CHFR: variants seen among roughly 807,000 people sequenced by gnomAD.
CHFR encodes the protein E3 ubiquitin-protein ligase CHFR.
A neutral mutation model predicts 87.6 loss-of-function variants in CHFR; 57 were observed. The observed-to-expected ratio is 0.65, with a 90% CI of 0.53 to 0.81. CHFR has a LOEUF of 0.81. CHFR is among the 30% of genes least tolerant of loss of function. CHFR has a pLI of 0.00. For missense variants in CHFR, 797 were observed against 865.8 expected (o/e 0.92, Z 1.00); for synonymous variants, 381 against 359.2 (o/e 1.06, Z -0.69).
At chr12:132,842,582 C>CT (rs1278535378) in intron 17 of CHFR, among the ~76,000 whole-genome samples, 6 of 152,352 alleles carry the variant, frequency 3.9e-5, no homozygotes, top group African/African-American at 1.4e-4. Flanking sequence ...GCAGATGGCG[C>CT]TGTGAACCTC....
chr12:132,860,120 A>G (rs1037712908), intron 7 of CHFR, among the ~76,000 whole-genome samples: 10 of 152,080 alleles, frequency 6.6e-5, no homozygotes, highest in Admixed American at 3.9e-4. Context: ...TCCTCACCCA[A>G]TTTCCCTCCT....
intron 3 of CHFR, among the ~76,000 whole-genome samples, chr12:132,876,114 C>T (rs946979744): frequency 6.6e-6 from 1 of 150,384 alleles, no homozygotes; most frequent in African/African-American, 2.5e-5. Flanking sequence ...AGTCGGAGGT[C>T]GCAGTGAGCC....
chr12:132,841,442 G>C lies in CHFR; in HGVS notation c.*112C>G. ...CCCCAGAGCACCTGTCGGAGACCCTGCGTCCCTTCCCTCAGGGGGCTGTGA... is the reference window on the plus strand; with the variant it reads ...CCCCAGAGCACCTGTCGGAGACCCTCCGTCCCTTCCCTCAGGGGGCTGTGA... On this transcript the variant is annotated 3_prime_UTR_variant, in exon 18 of 18. Transcript: ENST00000450056. 1 of 932,658 alleles carries C rather than the reference G, an allele frequency of 1.1e-6. No individual in the cohort carries two copies. The highest frequency in any genetic ancestry group is 1.8e-6 in the Non-Finnish European group (1 of 564,886). 57.8% of individuals were successfully genotyped at this position (932,658 alleles called of 1,614,324 possible).
chr12:132,858,775 C>T (rs1027339362), intron 8 of CHFR, among the ~76,000 whole-genome samples: 1 of 63,240 alleles, frequency 1.6e-5, no homozygotes, highest in African/African-American at 6.0e-5. Flanking sequence ...ATATTTAGAA[C>T]ATTAAAAAAA....
chr12:132,875,973 G>A (rs750993967), intron 3 of CHFR, among the ~76,000 whole-genome samples: 1 of 152,048 alleles, frequency 6.6e-6, no homozygotes, highest in South Asian at 2.1e-4. Context: ...TCAGGAGTTC[G>A]AGACCAGCCT....
Position 132,853,536 on chromosome 12 carries a change from T to C in CHFR, c.1267A>G (p.Arg423Gly). 2 of 1,532,952 alleles carry C rather than the reference T, an allele frequency of 1.3e-6. No individual in the cohort carries two copies. Among genetic ancestry groups the C allele is most frequent in the Non-Finnish European group, 8.8e-7 (1 of 1,142,118 alleles). 95.0% of individuals were successfully genotyped at this position (1,532,952 alleles called of 1,614,324 possible). A position where few individuals can be genotyped will look rare whatever the true frequency, so the allele number is the denominator to read the frequency against. The change falls in exon 11 of 18, where the codon AGA (arginine) becomes GGA (glycine). Residue 423 changes from arginine to glycine, a missense_variant. Arg to Gly is a moderately radical substitution (Grantham distance 125). Transcript: ENST00000450056. Reference protein sequence around the residue: ...YVVCRQCPEYRRQAAQPPHCP... With the variant: ...YVVCRQCPEYGRQAAQPPHCP... ...TGGGGAGGCTGCGCCGCCTGCCTTC[T>C]GTACTCAGGACACTGCCGGCACACG...
At chr12:132,843,778 G>A (rs1337641221) in intron 16 of CHFR, among the ~76,000 whole-genome samples, 2 of 152,018 alleles carry the variant, frequency 1.3e-5, no homozygotes, top group Non-Finnish European at 2.9e-5. Context: ...GTGAAACCCC[G>A]TCTCTACTAA....
At chr12:132,868,575 G>C (rs1448561525) in intron 6 of CHFR, among the ~76,000 whole-genome samples, 1 of 152,176 alleles carries the variant, frequency 6.6e-6, no homozygotes, top group Admixed American at 6.5e-5. Flanking sequence ...AGCTACTCGG[G>C]AGGCTGAGGC....
chr12:132,844,106 C>G lies in CHFR; in HGVS notation c.1764G>C (p.Leu588=). The change falls in exon 16 of 18, where the codon CTG becomes CTC. Residue 588 remains leucine, a synonymous_variant. Coordinates refer to ENST00000450056, the MANE Select transcript of CHFR (RefSeq NM_001161346.2). ...AGCTGCGCAGGCCACAGCAGTAACA[C>G]AGAACGGTGTCTCCCGTGACTCTGT... ...SDYRVTGDTV[L]CYCCGLRSFR... The G allele has an allele frequency of 6.2e-7, 1 of 1,613,582 alleles. No homozygotes were observed. The highest frequency in any genetic ancestry group is 8.5e-7 in the Non-Finnish European group (1 of 1,179,568).
intron 12 of CHFR, among the ~76,000 whole-genome samples, chr12:132,851,059 C>G (rs1384292175): frequency 1.3e-5 from 2 of 151,498 alleles, no homozygotes; most frequent in South Asian, 4.2e-4. Context: ...GGCACGATCT[C>G]AGCTCACTGC....
chr12:132,886,416 C>T (rs1951896354), intron 2 of CHFR, among the ~76,000 whole-genome samples: 2 of 151,804 alleles, frequency 1.3e-5, no homozygotes. Flanking sequence ...AAATATTTCC[C>T]ATCCTCGCTC....
At chr12:132,873,949 C>T (rs151280652) in intron 3 of CHFR, among the ~76,000 whole-genome samples, 247 of 152,328 alleles carry the variant, frequency 1.6e-3, no homozygotes, top group African/African-American at 5.3e-3. Flanking sequence ...CCACACGCTC[C>T]GACCACACAG....
chr12:132,870,308 C>A (rs1187981964), intron 5 of CHFR, among the ~76,000 whole-genome samples: 1 of 151,408 alleles, frequency 6.6e-6, no homozygotes, highest in Non-Finnish European at 1.5e-5. Context: ...GCCGAGATCG[C>A]GCCACTGCAC....
chr12:132,860,506 C>T (rs1023932947), intron 7 of CHFR, among the ~76,000 whole-genome samples: 8 of 152,212 alleles, frequency 5.3e-5, no homozygotes, highest in African/African-American at 1.7e-4. Flanking sequence ...ATCAACCCCA[C>T]GTGTCAGATA....
chr12:132,845,651 T>G (rs1244883182), intron 15 of CHFR, among the ~76,000 whole-genome samples: 2 of 151,886 alleles, frequency 1.3e-5, no homozygotes, highest in Non-Finnish European at 2.9e-5. Context: ...ACCTGTCTCA[T>G]ATATATATTT....
intron 6 of CHFR, among the ~76,000 whole-genome samples, chr12:132,864,488 T>C (rs557434381): frequency 1.3e-5 from 2 of 152,336 alleles, no homozygotes; most frequent in Admixed American, 6.5e-5. Context: ...TTATTTTTTA[T>C]TATTTTTATT....
chr12:132,856,844 GC>G, intron 9 of CHFR: 1 of 619,234 alleles, frequency 1.6e-6, no homozygotes, highest in South Asian at 1.6e-5. Flanking sequence ...TGGAGGGACC[GC>G]CCTCACATGC....
In CHFR at chr12:132,848,142, A is replaced by G. The variant is rs1950866525; in HGVS notation, c.1590T>C (p.Gly530=). The change falls in exon 14 of 18, where the codon GGT becomes GGC. Residue 530 remains glycine, a synonymous_variant. Coordinates refer to ENST00000450056, the MANE Select transcript of CHFR (RefSeq NM_001161346.2). ...TCAGCACGCCGTCCAGACACTTGTC[A>G]CCCAGGTTGAGCTCTGCCGAGATGA... The part of the protein sequence containing the change: ...CLAPFCELNL[G]DKCLDGVLNN... 10 of 1,614,128 alleles carry G rather than the reference A, an allele frequency of 6.2e-6. No homozygotes were observed. Among genetic ancestry groups the G allele is most frequent in the Non-Finnish European group, 7.6e-6 (9 of 1,180,030 alleles).
At chr12:132,841,678 G>C (rs1165105567) in intron 17 of CHFR, 82 bp from the exon 18 acceptor site, 1 of 1,155,636 alleles carries the variant, frequency 8.7e-7, no homozygotes, top group Non-Finnish European at 1.3e-6. Context: ...CATCAGAAAG[G>C]CATTCAAATA....
Sources: gnomAD v4.1 joint callset for allele counts (sites outside exome capture counted in the v4.1 genomes callset) on GRCh38, gnomAD v4.1.1 for gene constraint, MANE v1.5 for transcripts, NCBI Gene and HGNC (gene_info 2026-07-23, HGNC 2026-07-21) for gene names.